The following COL25A1 variants were observed in gnomAD, a reference collection of about 807,000 sequenced individuals.
COL25A1 encodes collagen type XXV alpha 1 chain.
In COL25A1, 103 loss-of-function variants were observed where a neutral mutation model predicts 128.4. That is an observed-to-expected ratio of 0.80 (90% CI 0.68 to 0.94). The LOEUF (loss-of-function observed/expected upper bound fraction) is 0.94, where lower values mean the gene tolerates loss of function less well. COL25A1 is among the 40% of genes least tolerant of loss of function. The pLI is 0.00. For missense variants in COL25A1, 745 were observed against 840.0 expected (o/e 0.89, Z 1.40); for synonymous variants, 279 against 277.2 (o/e 1.01, Z -0.06).
rs115023189 is a variant in COL25A1 at position 108,813,177 on chromosome 4, C to G, written c.*750G>C. ...GTGGCAGCAACAGGCTCAACCCCTT[C>G]GTATTTCAACCAAAGTGGCCACATG... On this transcript the variant is annotated 3_prime_UTR_variant, in exon 38 of 38. Coordinates refer to ENST00000399132, the MANE Select transcript of COL25A1 (RefSeq NM_198721.4). The G allele has an allele frequency of 6.6e-6, 1 of 152,168 alleles. No homozygotes were observed. Among genetic ancestry groups the G allele is most frequent in the Non-Finnish European group, 1.5e-5 (1 of 68,068 alleles). The allele number at this position is 152,168 out of a possible 1,614,324, so 9.4% of individuals were successfully genotyped here.
intron 6 of COL25A1, among the ~76,000 whole-genome samples, chr4:109,001,372 C>CAGGCATCTTAGATCCTGTCAGGT (rs1755348509): frequency 1.7e-4 from 4 of 24,148 alleles, no homozygotes; most frequent in South Asian, 2.3e-3. Context: ...TTAAAAGAAA[C>CAGGCATCTTAGATCCTGTCAGGT]AGGCATCTGA....
intron 5 of COL25A1, among the ~76,000 whole-genome samples, chr4:109,031,969 A>G (rs1258857904): frequency 1.3e-5 from 2 of 152,164 alleles, no homozygotes; most frequent in Admixed American, 1.3e-4. Context: ...ATAGCATTAC[A>G]TTCTGCCTTA....
At chr4:108,947,698 C>T (rs1748941498) in intron 8 of COL25A1, among the ~76,000 whole-genome samples, 1 of 152,124 alleles carries the variant, frequency 6.6e-6, no homozygotes, top group African/African-American at 2.4e-5. Flanking sequence ...GATGCATATA[C>T]TCTACTTTGC....
At chr4:109,182,917 GA>G (rs1418592799) in intron 3 of COL25A1, among the ~76,000 whole-genome samples, 1 of 151,972 alleles carries the variant, frequency 6.6e-6, no homozygotes, top group African/African-American at 2.4e-5. Context: ...CTGCTTTTCT[GA>G]GAACAATAGA....
At chr4:109,269,099 C>T (rs1782001483) in intron 3 of COL25A1, among the ~76,000 whole-genome samples, 1 of 118,938 alleles carries the variant, frequency 8.4e-6, no homozygotes, top group Non-Finnish European at 1.6e-5. Flanking sequence ...CACCCCACAA[C>T]AGTCCCCAGA....
intron 6 of COL25A1, among the ~76,000 whole-genome samples, chr4:108,989,400 C>T (rs2126010069): frequency 6.6e-6 from 1 of 152,124 alleles, no homozygotes; most frequent in Non-Finnish European, 1.5e-5. Context: ...CTTAGGTTGC[C>T]ACGTAAGAAG....
At chr4:108,939,217 G>A (rs938508328) in intron 10 of COL25A1, among the ~76,000 whole-genome samples, 3 of 152,166 alleles carry the variant, frequency 2.0e-5, no homozygotes, top group Non-Finnish European at 4.4e-5. Context: ...AGCAATCAAT[G>A]GGAGAGCTTT....
chr4:109,015,759 T>C (rs1314522914), intron 5 of COL25A1, among the ~76,000 whole-genome samples: 2 of 151,974 alleles, frequency 1.3e-5, no homozygotes, highest in African/African-American at 4.8e-5. Flanking sequence ...TCACAGGAGG[T>C]TGAAAGTTTG....
chr4:109,240,885 C>A (rs111889367), intron 3 of COL25A1, among the ~76,000 whole-genome samples: 1 of 152,026 alleles, frequency 6.6e-6, no homozygotes, highest in Non-Finnish European at 1.5e-5. Context: ...CTCTTGTACA[C>A]CTTTTTATCC....
At chr4:108,884,963 T>C (rs931862397) in intron 18 of COL25A1, among the ~76,000 whole-genome samples, 3 of 152,198 alleles carry the variant, frequency 2.0e-5, no homozygotes, top group Non-Finnish European at 4.4e-5. Flanking sequence ...CAAAGAATGA[T>C]AATAAGAGGT....
chr4:108,841,795 A>G (rs2125751078), intron 30 of COL25A1, 74 bp from the exon 31 acceptor site: 1 of 1,162,790 alleles, frequency 8.6e-7, no homozygotes, highest in Non-Finnish European at 1.3e-6. Flanking sequence ...ATTATATCAC[A>G]TAACAAAAGA....
chr4:109,218,051 G>A (rs1474172081), intron 3 of COL25A1, among the ~76,000 whole-genome samples: 1 of 152,144 alleles, frequency 6.6e-6, no homozygotes, highest in East Asian at 1.9e-4. Flanking sequence ...ACACCTTTAT[G>A]CACTATTCTA....
At chr4:109,197,298 C>A (rs1184371652) in intron 3 of COL25A1, among the ~76,000 whole-genome samples, 1 of 142,756 alleles carries the variant, frequency 7.0e-6, no homozygotes, top group African/African-American at 2.6e-5. Flanking sequence ...TGCACTTCAG[C>A]CTGGGCAACA....
intron 5 of COL25A1, among the ~76,000 whole-genome samples, chr4:109,020,390 C>A (rs1313053558): frequency 1.3e-5 from 2 of 151,482 alleles, no homozygotes; most frequent in East Asian, 3.9e-4. Context: ...TGCTGAAAAG[C>A]AAAAGCCATA....
At chr4:109,178,985 TCAAA>T (rs746214415) in intron 3 of COL25A1, among the ~76,000 whole-genome samples, 18 of 151,646 alleles carry the variant, frequency 1.2e-4, no homozygotes, top group Non-Finnish European at 2.5e-4. Context: ...TATTAATCAC[TCAAA>T]CAAGTAGGAA....
chr4:108,867,708 T>C (rs1738103609), intron 20 of COL25A1, among the ~76,000 whole-genome samples: 1 of 152,140 alleles, frequency 6.6e-6, no homozygotes, highest in Admixed American at 6.5e-5. Flanking sequence ...GCAGTACACA[T>C]TGAGGCAAAG....
chr4:108,989,925 C>G (rs143536108), intron 6 of COL25A1, among the ~76,000 whole-genome samples: 2,716 of 151,686 alleles, frequency 0.018, 42 homozygotes, highest in Non-Finnish European at 0.031. Flanking sequence ...TAAAAATTAC[C>G]AAATACGCCG....
intron 3 of COL25A1, among the ~76,000 whole-genome samples, chr4:109,231,712 G>A (rs1022640638): frequency 6.6e-6 from 1 of 152,156 alleles, no homozygotes; most frequent in Admixed American, 6.5e-5. Flanking sequence ...TGGAAAAGAT[G>A]TTTCTTTATT....
intron 24 of COL25A1, among the ~76,000 whole-genome samples, chr4:108,855,210 TA>T (rs1186857562): frequency 0.049 from 7,350 of 149,618 alleles, 334 homozygotes; most frequent in East Asian, 0.18. Context: ...TTTTATTTTT[TA>T]AATTGTTGTA....
Sources: allele counts gnomAD v4.1 joint callset (sites outside exome capture counted in the v4.1 genomes callset), GRCh38; gene constraint gnomAD v4.1.1; transcripts MANE v1.5; gene names NCBI Gene and HGNC (gene_info 2026-07-23, HGNC 2026-07-21).